Variants in ATRNL1 observed in about 807,000 individuals in gnomAD.
ATRNL1 encodes the protein attractin like 1, also known as attractin-like protein 1.
Under a neutral mutation model 182.7 loss-of-function variants are expected in ATRNL1, and 95 were observed. That is an observed-to-expected ratio of 0.52 (90% confidence interval 0.44 to 0.62). The LOEUF (loss-of-function observed/expected upper bound fraction) is 0.62, where lower values mean the gene tolerates loss of function less well. ATRNL1 is among the 20% of genes least tolerant of loss of function. The pLI is 0.00. For missense variants in ATRNL1, 1,471 were observed against 1,679.5 expected, an observed-to-expected ratio of 0.88 and a Z score of 2.17; for synonymous variants, 576 against 568.3, an observed-to-expected ratio of 1.01 and a Z score of -0.19.
intron 14 of ATRNL1, among the ~76,000 whole-genome samples, chr10:115,284,030 AG>A (rs1246484360): frequency 2.0e-5 from 3 of 152,206 alleles, no homozygotes; most frequent in Admixed American, 2.0e-4. Flanking sequence ...TAGAGGGCCC[AG>A]TCTGTAGAGC....
chr10:115,398,818 T>G (rs1844414079), intron 20 of ATRNL1, among the ~76,000 whole-genome samples: 1 of 152,126 alleles, frequency 6.6e-6, no homozygotes, highest in South Asian at 2.1e-4. Flanking sequence ...TTTTGTGCAT[T>G]CAGTATGATG....
At chr10:115,769,545 G>A (rs1948936614) in intron 27 of ATRNL1, among the ~76,000 whole-genome samples, 1 of 152,036 alleles carries the variant, frequency 6.6e-6, no homozygotes, top group Admixed American at 6.6e-5. Context: ...ATTTACCATG[G>A]TGCCTGGCAC....
intron 28 of ATRNL1, among the ~76,000 whole-genome samples, chr10:115,863,353 T>C (rs1951359265): frequency 6.6e-6 from 1 of 152,204 alleles, no homozygotes; most frequent in South Asian, 2.1e-4. Flanking sequence ...CTATATACTG[T>C]AACACCAAAA....
chr10:115,526,465 T>G (rs1316456309), intron 25 of ATRNL1, among the ~76,000 whole-genome samples: 1 of 152,160 alleles, frequency 6.6e-6, no homozygotes, highest in Non-Finnish European at 1.5e-5. Flanking sequence ...TCCACTCTCT[T>G]TTGAAGGTGT....
At chr10:115,628,047 G>A (rs781956474) in intron 26 of ATRNL1, among the ~76,000 whole-genome samples, 7 of 151,206 alleles carry the variant, frequency 4.6e-5, no homozygotes, top group South Asian at 2.1e-4. Flanking sequence ...CTTGGGAGGC[G>A]GAGGCAGGAG....
At chr10:115,825,347 G>A (rs1950405435) in intron 27 of ATRNL1, among the ~76,000 whole-genome samples, 1 of 152,044 alleles carries the variant, frequency 6.6e-6, no homozygotes, top group Non-Finnish European at 1.5e-5. Context: ...GGGTTGATGG[G>A]TACAGCAAAC....
chr10:115,641,196 C>G (rs564100014), intron 26 of ATRNL1, among the ~76,000 whole-genome samples: 4 of 152,154 alleles, frequency 2.6e-5, no homozygotes, highest in Non-Finnish European at 5.9e-5. Flanking sequence ...TAATATAATT[C>G]ATTATTGCAG....
intron 28 of ATRNL1, among the ~76,000 whole-genome samples, chr10:115,889,983 G>A (rs1555110718): frequency 1.3e-5 from 2 of 152,186 alleles, no homozygotes; most frequent in African/African-American, 2.4e-5. Context: ...TGCATTGGGG[G>A]AGTGGTGGTT....
At chr10:115,266,647 C>T in intron 11 of ATRNL1, 150 bp from the exon 12 acceptor site, 1 of 432,114 alleles carries the variant, frequency 2.3e-6, no homozygotes, top group Non-Finnish European at 4.1e-6. Flanking sequence ...ATATTGTATG[C>T]TAGAAATATG....
At position 115,339,332 on chromosome 10, in the gene ATRNL1, C is replaced by T. The variant is rs190672239; in HGVS notation, c.3175+4913C>T. On this transcript the variant is annotated intron_variant, in intron 19 of 28. Transcript: ENST00000355044. ...TATGGACATTTTAACAATATTGATT[C>T]TTCCAATCCATGAATTGATTCTTCC... Among the ~76,000 whole-genome samples the T allele has an allele frequency of 1.3e-4, 20 of 152,132 alleles. No homozygotes were observed. In the East Asian group the frequency reaches 3.9e-3, roughly 29 times the overall value.
intron 6 of ATRNL1, among the ~76,000 whole-genome samples, chr10:115,163,396 A>G (rs1224527649): frequency 8.8e-6 from 1 of 114,244 alleles, no homozygotes; most frequent in Non-Finnish European, 2.0e-5. Flanking sequence ...ATTTCTTTTT[A>G]TCTGTCACCC....
chr10:115,766,280 A>T (rs1324585041), intron 27 of ATRNL1, among the ~76,000 whole-genome samples: 1 of 152,188 alleles, frequency 6.6e-6, no homozygotes, highest in African/African-American at 2.4e-5. Context: ...TCATTATAGA[A>T]CAGAGCATTT....
intron 25 of ATRNL1, among the ~76,000 whole-genome samples, chr10:115,535,824 G>A (rs1422731064): frequency 2.0e-5 from 3 of 152,070 alleles, no homozygotes; most frequent in Non-Finnish European, 4.4e-5. Context: ...TTTCCTTCTA[G>A]CAGATAGGAC....
chr10:115,362,377 A>G (rs1276720777), intron 19 of ATRNL1, among the ~76,000 whole-genome samples: 3 of 152,098 alleles, frequency 2.0e-5, no homozygotes, highest in African/African-American at 4.8e-5. Flanking sequence ...TATTTATAAT[A>G]TACAACATCA....
Position 115,093,910 on chromosome 10 carries a change from T to TA in ATRNL1, c.161dup (p.Tyr54Ter). Residue 54 changes from tyrosine (Y) to a stop codon, truncating the protein, a stop_gained and frameshift_variant, in exon 1 of 29, where the codon TAC becomes TAAC. Coordinates refer to ENST00000355044, the MANE Select transcript of ATRNL1 (RefSeq NM_207303.4). LOFTEE classifies it high-confidence loss of function. The surrounding 1 kb of genome is among the most constrained non-coding windows in gnomAD (Gnocchi z 6.1). Reference sequence around the variant, plus strand: ...CTATGGCTTCCTCTACCTGGCGCTCTACGCGCAGGTGTCCCAGTCCAAGCC... The same window carrying TA: ...CTATGGCTTCCTCTACCTGGCGCTCTAACGCGCAGGTGTCCCAGTCCAAGCC... ...LCYGFLYLAL[Y>*]AQVSQSKPCE... 6.3e-7 allele frequency: 1 copy of TA among 1,597,162 alleles called. No individual in the cohort carries two copies. Among genetic ancestry groups the TA allele is most frequent in the Non-Finnish European group, 8.5e-7 (1 of 1,173,474 alleles).
intron 5 of ATRNL1, among the ~76,000 whole-genome samples, chr10:115,150,692 A>G (rs1846184174): frequency 6.6e-6 from 1 of 152,046 alleles, no homozygotes; most frequent in Admixed American, 6.6e-5. Flanking sequence ...GTGGTTTCAC[A>G]AGGCATGATT....
intron 3 of ATRNL1, among the ~76,000 whole-genome samples, chr10:115,123,352 A>C (rs1308624586): frequency 6.6e-6 from 1 of 152,196 alleles, no homozygotes; most frequent in Non-Finnish European, 1.5e-5. Context: ...TGACATTCAG[A>C]GAAGTTATTT....
chr10:115,596,013 G>C (rs1036005846), intron 26 of ATRNL1, among the ~76,000 whole-genome samples: 1 of 152,084 alleles, frequency 6.6e-6, no homozygotes, highest in Admixed American at 6.6e-5. Flanking sequence ...CTAGAAAACA[G>C]GTATGAGCTA....
At chr10:115,707,977 T>C (rs1208644767) in intron 26 of ATRNL1, among the ~76,000 whole-genome samples, 5 of 151,736 alleles carry the variant, frequency 3.3e-5, no homozygotes, top group Admixed American at 2.0e-4. Flanking sequence ...GCTTCATTAA[T>C]TTAATTTTTG....
Sources: allele counts gnomAD v4.1 joint callset (sites outside exome capture counted in the v4.1 genomes callset), GRCh38; gene constraint gnomAD v4.1.1; non-coding constraint Gnocchi (gnomAD v3.1); transcripts MANE v1.5; gene names NCBI Gene and HGNC (gene_info 2026-07-23, HGNC 2026-07-21).